NFIL3: variants seen among roughly 807,000 people sequenced by gnomAD.
NFIL3 encodes the protein nuclear factor, interleukin 3 regulated, also known as nuclear factor interleukin-3-regulated protein.
NFIL3 carries 5 observed loss-of-function variants against 10.0 expected under a neutral mutation model. The ratio of observed to expected loss-of-function variants is 0.50; its 90% CI spans 0.26 to 1.06. The LOEUF (loss-of-function observed/expected upper bound fraction) is 1.06. NFIL3 is among the 50% of genes least tolerant of loss of function. The probability of loss-of-function intolerance (pLI) is 0.13; values close to 1 mark genes in which losing one functional copy is unlikely to be tolerated. For synonymous variants in NFIL3, 202 were observed against 206.5 expected, an observed-to-expected ratio of 0.98 and a Z score of 0.19; for missense variants, 436 against 547.6, an observed-to-expected ratio of 0.80 and a Z score of 2.03.
At chr9:91,423,578 G>GCCCT (rs1252162625) in intron 1 of NFIL3, 62 bp downstream of exon 1, 3 of 146,750 alleles carry the variant, frequency 2.0e-5, no homozygotes, top group Non-Finnish European at 4.5e-5. Flanking sequence ...CCGCCCGCCC[G>GCCCT]CCCGCAGCGC....
At chr9:91,460,242 T>G in the NFIL3 span, among the ~76,000 whole-genome samples, 3 of 141,622 alleles carry the variant, frequency 2.1e-5, no homozygotes. Context: ...AGTGTACAGA[T>G]TGCTGCCATG....
At chr9:91,440,347 G>T in the NFIL3 span, among the ~76,000 whole-genome samples, 1 of 151,890 alleles carries the variant, frequency 6.6e-6, no homozygotes, top group African/African-American at 2.4e-5. Context: ...TGAGGCATCC[G>T]TGTAATATCT....
intron 1 of NFIL3, among the ~76,000 whole-genome samples, chr9:91,414,188 C>T (rs1833609094): frequency 6.6e-6 from 1 of 152,180 alleles, no homozygotes; most frequent in South Asian, 2.1e-4. Context: ...GGTACATTAA[C>T]CTACAGAAAA....
chr9:91,470,645 T>C, the NFIL3 span, among the ~76,000 whole-genome samples: 1 of 152,226 alleles, frequency 6.6e-6, no homozygotes, highest in Non-Finnish European at 1.5e-5. Flanking sequence ...CTGCTTTCTC[T>C]TGTGGACATT....
At chr9:91,465,325 A>C in the NFIL3 span, among the ~76,000 whole-genome samples, 1 of 152,080 alleles carries the variant, frequency 6.6e-6, no homozygotes, top group Admixed American at 6.6e-5. Context: ...GTGAAGTTTT[A>C]ACTGACCTGT....
chr9:91,432,775 ACT>A, the NFIL3 span, among the ~76,000 whole-genome samples: 1 of 152,000 alleles, frequency 6.6e-6, no homozygotes, highest in African/African-American at 2.4e-5. Flanking sequence ...CTTTTCTAGT[ACT>A]CTTTTGGAGT....
chr9:91,458,241 AG>A, the NFIL3 span, among the ~76,000 whole-genome samples: 1 of 152,144 alleles, frequency 6.6e-6, no homozygotes, highest in Non-Finnish European at 1.5e-5. Flanking sequence ...AATATTTGGT[AG>A]AACTCACCAG....
the NFIL3 span, among the ~76,000 whole-genome samples, chr9:91,431,664 C>T: frequency 2.0e-5 from 3 of 152,210 alleles, no homozygotes; most frequent in South Asian, 4.1e-4. Context: ...TGGAAGCCGA[C>T]GTGACTTTGG....
upstream of NFIL3, among the ~76,000 whole-genome samples, chr9:91,425,563 C>T (rs1587971091): frequency 6.6e-6 from 1 of 152,180 alleles, no homozygotes; most frequent in Admixed American, 6.5e-5. Flanking sequence ...AGAACCACAT[C>T]CCCTCCACTA....
upstream of NFIL3, among the ~76,000 whole-genome samples, chr9:91,424,535 G>A (rs1833845789): frequency 1.3e-5 from 2 of 152,176 alleles, no homozygotes; most frequent in Non-Finnish European, 1.5e-5. Context: ...CGGAGGCAGC[G>A]ATTAAAATGT....
At chr9:91,460,574 G>T in the NFIL3 span, among the ~76,000 whole-genome samples, 1 of 152,154 alleles carries the variant, frequency 6.6e-6, no homozygotes, top group Non-Finnish European at 1.5e-5. Flanking sequence ...ACCACGCCCA[G>T]CTTGGGGTTT....
chr9:91,425,131 TG>T (rs1232196100), upstream of NFIL3, among the ~76,000 whole-genome samples: 5 of 152,170 alleles, frequency 3.3e-5, no homozygotes, highest in East Asian at 9.7e-4. Context: ...AGCTCCCTCC[TG>T]GTCTCCTTGA....
At position 91,409,830 on chromosome 9, in the gene NFIL3, G is replaced by A. The variant is rs758080805; in HGVS notation, c.905C>T (p.Pro302Leu). The change falls in exon 2 of 2, where the codon CCA becomes CTA. Residue 302 changes from proline to leucine, a missense_variant. Pro to Leu is a moderately conservative substitution (Grantham distance 98, BLOSUM62 -3). Coordinates refer to ENST00000297689, the MANE Select transcript of NFIL3 (RefSeq NM_005384.3). ...TGCATGCACATGCTTGAGTTCAACT[G>A]GAGAATGGATGGGGCCCTTGGGGAC... ...QQVPKGPIHS[P>L]VELKHVHATV... 5.6e-6 allele frequency: 9 copies of A among 1,613,998 alleles called. No individual in the cohort carries two copies. Among genetic ancestry groups the A allele is most frequent in the Non-Finnish European group, 7.6e-6 (9 of 1,180,038 alleles).
At chr9:91,461,566 A>G in the NFIL3 span, among the ~76,000 whole-genome samples, 81 of 152,262 alleles carry the variant, frequency 5.3e-4, no homozygotes, top group African/African-American at 1.9e-3. Context: ...GGCTCTTGGG[A>G]AGACCTTGCC....
At chr9:91,419,982 A>C (rs1833728871) in intron 1 of NFIL3, among the ~76,000 whole-genome samples, 1 of 152,206 alleles carries the variant, frequency 6.6e-6, no homozygotes, top group African/African-American at 2.4e-5. Flanking sequence ...CTCAGACCAC[A>C]AAGTTTTAGA....
At chr9:91,475,742 A>G in the NFIL3 span, among the ~76,000 whole-genome samples, 1 of 152,256 alleles carries the variant, frequency 6.6e-6, no homozygotes, top group Non-Finnish European at 1.5e-5. Flanking sequence ...GAGAAAGGCC[A>G]TATACTCAAG....
At chr9:91,439,274 A>T in the NFIL3 span, among the ~76,000 whole-genome samples, 2 of 152,168 alleles carry the variant, frequency 1.3e-5, no homozygotes, top group African/African-American at 4.8e-5. Context: ...ATGCTACTGT[A>T]AATGGGACTG....
At chr9:91,460,041 T>C in the NFIL3 span, among the ~76,000 whole-genome samples, 1 of 151,592 alleles carries the variant, frequency 6.6e-6, no homozygotes, top group Non-Finnish European at 1.5e-5. Context: ...ATAAAACATG[T>C]TAGAAAAATA....
chr9:91,463,903 T>C, the NFIL3 span, among the ~76,000 whole-genome samples: 25,288 of 152,090 alleles, frequency 0.17, 2,628 homozygotes, highest in East Asian at 0.4. Flanking sequence ...CCTTTATAAT[T>C]ATGTAATGTC....
Sources: allele counts gnomAD v4.1 joint callset (sites outside exome capture counted in the v4.1 genomes callset), GRCh38; gene constraint gnomAD v4.1.1; transcripts MANE v1.5; gene names NCBI Gene and HGNC (gene_info 2026-07-23, HGNC 2026-07-21).